The following THOC1 variants were observed in gnomAD, a reference collection of about 807,000 sequenced individuals.
THOC1 encodes the protein THO complex subunit 1, also known as THO complex 1.
Under a neutral mutation model 97.3 loss-of-function variants are expected in THOC1, and 29 were observed. The observed-to-expected ratio is 0.30, with a 90% CI of 0.22 to 0.41. THOC1 has a LOEUF of 0.41. Ranked by LOEUF, THOC1 falls within the 10% of genes least tolerant of loss-of-function variation. The pLI, the probability that THOC1 is intolerant of heterozygous loss-of-function variation, is 1.00. For missense variants in THOC1, 529 were observed against 761.9 expected (o/e 0.69, Z 3.60); for synonymous variants, 255 against 257.0 (o/e 0.99, Z 0.07).
rs370978327 is a variant in THOC1 at position 252,620 on chromosome 18, GA to G, written c.604-9del. 1.2e-4 allele frequency: 194 copies of G among 1,571,014 alleles called. No individual in the cohort carries two copies. Among genetic ancestry groups the G allele is most frequent in the Admixed American group, 3.0e-4 (16 of 52,806 alleles). Reference sequence around the variant, plus strand: ...TTCTCTATCTTCAGTGTGCTAAATTGAAAAAAAAATGTATAGCCTGTCATGA... The same window carrying G: ...TTCTCTATCTTCAGTGTGCTAAATTGAAAAAAAATGTATAGCCTGTCATGA... On this transcript the variant is annotated splice_polypyrimidine_tract_variant and intron_variant, in intron 8 of 20. Transcript: ENST00000261600.
chr18:216,414 G>A lies in THOC1; in HGVS notation c.1602+72C>T. ...TTTCACATGATTAAGTCAGTTTTTT[G>A]CTCACATAGTGACAGCAATTTTAAA... On this transcript the variant is annotated intron_variant, in intron 19 of 20. Coordinates refer to ENST00000261600, the MANE Select transcript of THOC1 (RefSeq NM_005131.3). The A allele has an allele frequency of 4.7e-6, 7 of 1,500,754 alleles. No homozygotes were observed. In the South Asian group the frequency reaches 8.1e-5, roughly 17 times the overall value. The allele number at this position is 1,500,754 out of a possible 1,614,324, so 93.0% of individuals were successfully genotyped here. A position where few individuals can be genotyped will look rare whatever the true frequency, so the allele number is the denominator to read the frequency against.
intron 1 of THOC1, among the ~76,000 whole-genome samples, chr18:266,680 G>A (rs892382105): frequency 2.0e-5 from 3 of 151,972 alleles, no homozygotes; most frequent in African/African-American, 7.3e-5. Flanking sequence ...TGGGATTACA[G>A]CGCCCACCAC....
At chr18:239,621 A>G (rs571812028) in intron 11 of THOC1, among the ~76,000 whole-genome samples, 2 of 152,280 alleles carry the variant, frequency 1.3e-5, no homozygotes, top group African/African-American at 4.8e-5. Context: ...ATATGTTTTT[A>G]AACCTATGTA....
At chr18:258,594 AAGT>A (rs1912506331) in intron 7 of THOC1, among the ~76,000 whole-genome samples, 1 of 152,086 alleles carries the variant, frequency 6.6e-6, no homozygotes, top group African/African-American at 2.4e-5. Context: ...AGAACATATA[AAGT>A]AGGTGGTACA....
At chr18:226,754 T>G in intron 12 of THOC1, 47 bp downstream of exon 12, 2 of 1,442,200 alleles carry the variant, frequency 1.4e-6, no homozygotes, top group Non-Finnish European at 1.9e-6. Flanking sequence ...AGTCCTTTTT[T>G]TTCTTGGCTA....
chr18:234,138 G>A (rs556532736), intron 11 of THOC1, among the ~76,000 whole-genome samples: 18 of 152,246 alleles, frequency 1.2e-4, no homozygotes, highest in African/African-American at 4.3e-4. Flanking sequence ...TGTTTCTCTT[G>A]CAATCTTGCT....
intron 8 of THOC1, among the ~76,000 whole-genome samples, chr18:253,334 A>G (rs533336086): frequency 6.6e-6 from 1 of 152,342 alleles, no homozygotes; most frequent in South Asian, 2.1e-4. Context: ...GCAATATTAT[A>G]CACTACTAGA....
At chr18:262,444 A>G (rs1410272875) in intron 4 of THOC1, among the ~76,000 whole-genome samples, 2 of 152,254 alleles carry the variant, frequency 1.3e-5, no homozygotes, top group African/African-American at 2.4e-5. Flanking sequence ...AATTATCCCT[A>G]AAATAAAAAT....
chr18:258,037 A>G (rs1912490297), intron 7 of THOC1, among the ~76,000 whole-genome samples: 1 of 152,166 alleles, frequency 6.6e-6, no homozygotes, highest in Non-Finnish European at 1.5e-5. Context: ...CAGGACAAAT[A>G]AAAAGAAATT....
In THOC1 at chr18:223,449, G is replaced by A; in HGVS notation, c.1361C>T (p.Ser454Leu). 6.4e-7 allele frequency: 1 copy of A among 1,557,192 alleles called. No homozygotes were observed. Among genetic ancestry groups the A allele is most frequent in the Non-Finnish European group, 8.7e-7 (1 of 1,149,460 alleles). Residue 454 changes from serine (S) to leucine (L), a missense_variant, in exon 17 of 21, where the codon TCA becomes TTA. By Grantham distance (145) the Ser-to-Leu change is moderately radical. Around this residue, in one of 8 missense-constraint regions of THOC1, gnomAD observed 123 missense variants for 159.0 expected, o/e 0.77. Coordinates refer to ENST00000261600, the MANE Select transcript of THOC1 (RefSeq NM_005131.3). ...LCPDNMEACK[S>L]ETREHMPTLE... The stretch of plus-strand genomic sequence containing the variant: ...AAAATGTTCAACTTGCCTTGTCTCT[G>A]ATTTACAGGCTTCCATATTATCAGG...
At chr18:253,902 ATTTTTTTTTT>A (rs35294329) in intron 8 of THOC1, among the ~76,000 whole-genome samples, 1 of 133,964 alleles carries the variant, frequency 7.5e-6, no homozygotes, top group Admixed American at 7.6e-5. Context: ...TTTACATGAA[ATTTTTTTTTT>A]TTTTTTTTTT....
intron 8 of THOC1, among the ~76,000 whole-genome samples, chr18:253,842 G>A (rs998432627): frequency 6.6e-6 from 1 of 150,838 alleles, no homozygotes; most frequent in African/African-American, 2.4e-5. Context: ...ATTTCTGTAA[G>A]TTGGAAATAA....
At chr18:222,407 A>G (rs1156648057) in intron 17 of THOC1, among the ~76,000 whole-genome samples, 1 of 152,212 alleles carries the variant, frequency 6.6e-6, no homozygotes, top group Admixed American at 6.5e-5. Context: ...GTTTTAGTCA[A>G]TCACTCAACC....
chr18:225,262 C>T, intron 13 of THOC1, 75 bp downstream of exon 13: 5 of 1,569,288 alleles, frequency 3.2e-6, no homozygotes, highest in Non-Finnish European at 4.4e-6. Flanking sequence ...CCTTATTTTC[C>T]TATTTGGGGC....
chr18:243,145 T>C (rs1292887834), intron 11 of THOC1, among the ~76,000 whole-genome samples: 1 of 152,198 alleles, frequency 6.6e-6, no homozygotes, highest in Non-Finnish European at 1.5e-5. Context: ...CTTACTCCTA[T>C]GGTAAGTTTT....
At position 264,089 on chromosome 18, in the gene THOC1, T is replaced by C; in HGVS notation, c.193A>G (p.Asn65Asp). The C allele has an allele frequency of 6.2e-7, 1 of 1,609,586 alleles. No individual in the cohort carries two copies. Among genetic ancestry groups the C allele is most frequent in the Non-Finnish European group, 8.5e-7 (1 of 1,176,924 alleles). Residue 65 changes from asparagine to aspartate, a missense_variant, in exon 4 of 21, where the codon AAT (asparagine) becomes GAT (aspartate). Asn to Asp is a conservative substitution (Grantham distance 23, BLOSUM62 1). Coordinates refer to ENST00000261600, the MANE Select transcript of THOC1 (RefSeq NM_005131.3). ...FRGILEEEIINHSSCENVLAI... is the reference protein window; with the variant it reads ...FRGILEEEIIDHSSCENVLAI... ...AAAACGTTTTCACATGATGAATGAT[T>C]TATCTACCAACAGAGGAGAAACAAT...
At chr18:220,614 GCTGTAGTTTTTAA>G (rs1911043606) in intron 17 of THOC1, among the ~76,000 whole-genome samples, 2 of 152,154 alleles carry the variant, frequency 1.3e-5, no homozygotes, top group Middle Eastern at 3.2e-3. Flanking sequence ...GAAACTGCTT[GCTGTAGTTTTTAA>G]CTGTACTTCC....
chr18:264,269 G>C (rs1285894112), intron 3 of THOC1, among the ~76,000 whole-genome samples, 177 bp from the exon 4 acceptor site: 3 of 152,132 alleles, frequency 2.0e-5, no homozygotes, highest in Admixed American at 2.0e-4. Context: ...GTAACATATA[G>C]AATCAATAGT....
intron 4 of THOC1, 70 bp from the exon 5 acceptor site, chr18:260,374 T>C: frequency 1.0e-6 from 1 of 968,210 alleles, no homozygotes; most frequent in South Asian, 2.4e-5. Flanking sequence ...TGAAAAATAA[T>C]TCTGAAGAAT....
Sources: gnomAD v4.1 joint callset for allele counts (sites outside exome capture counted in the v4.1 genomes callset) on GRCh38, gnomAD v4.1.1 for gene constraint, gnomAD v4.1.1 regional missense constraint, MANE v1.5 for transcripts, NCBI Gene and HGNC (gene_info 2026-07-23, HGNC 2026-07-21) for gene names.